The following L3MBTL4 variants were observed in gnomAD, a reference collection of about 807,000 sequenced individuals.
L3MBTL4 encodes L3MBTL histone methyl-lysine binding protein 4.
A neutral mutation model predicts 84.5 loss-of-function variants in L3MBTL4; 70 were observed. The ratio of observed to expected loss-of-function variants is 0.83; its 90% CI spans 0.68 to 1.01. L3MBTL4 has a LOEUF of 1.01. L3MBTL4 is among the 50% of genes least tolerant of loss of function. The probability of loss-of-function intolerance (pLI) is 0.00; values close to 1 mark genes in which losing one functional copy is unlikely to be tolerated. For missense variants in L3MBTL4, 715 were observed against 754.8 expected (o/e 0.95, Z 0.62); for synonymous variants, 274 against 259.8 (o/e 1.05, Z -0.52).
At position 6,069,246 on chromosome 18, in the gene L3MBTL4, T is replaced by C. The variant is rs1195474467; in HGVS notation, c.1444+11635A>G. 2.0e-5 allele frequency among the ~76,000 whole-genome samples: 3 copies of C among 152,180 alleles called. No individual in the cohort carries two copies. In the East Asian group the frequency reaches 5.8e-4, roughly 29 times the overall value. ...TCAGGACCTCTGGTTAGTCAGGGTG[T>C]TGTACGCAGTGGTGATATCTGAGGT... On this transcript the variant is annotated intron_variant, in intron 16 of 18. Transcript: ENST00000317931.
intron 16 of L3MBTL4, among the ~76,000 whole-genome samples, chr18:6,076,661 T>C (rs1426978621): frequency 2.3e-5 from 3 of 129,728 alleles, no homozygotes; most frequent in Non-Finnish European, 4.7e-5. Flanking sequence ...AAATATAATA[T>C]GATTCTGCAC....
At chr18:6,124,772 G>A (rs1362274340) in intron 14 of L3MBTL4, among the ~76,000 whole-genome samples, 3 of 152,012 alleles carry the variant, frequency 2.0e-5, no homozygotes, top group Admixed American at 1.3e-4. Flanking sequence ...AATTGAGGCT[G>A]GAAAGGATGA....
chr18:6,007,372 A>C (rs1181018187), intron 16 of L3MBTL4, among the ~76,000 whole-genome samples: 1 of 152,144 alleles, frequency 6.6e-6, no homozygotes, highest in Non-Finnish European at 1.5e-5. Context: ...ATTAAAAAAA[A>C]ACTCACGATA....
At chr18:6,069,379 T>A (rs748400179) in intron 16 of L3MBTL4, among the ~76,000 whole-genome samples, 7 of 151,902 alleles carry the variant, frequency 4.6e-5, no homozygotes, top group Non-Finnish European at 8.8e-5. Context: ...AGCAACCAGC[T>A]GCAGTAGTAG....
At chr18:6,043,950 A>AC (rs1482480051) in intron 16 of L3MBTL4, among the ~76,000 whole-genome samples, 1 of 152,162 alleles carries the variant, frequency 6.6e-6, no homozygotes, top group Non-Finnish European at 1.5e-5. Context: ...CTTTGACCTC[A>AC]CTACAGTTTG....
intron 14 of L3MBTL4, among the ~76,000 whole-genome samples, chr18:6,115,007 A>T (rs1456317445): frequency 1.3e-5 from 2 of 152,214 alleles, no homozygotes; most frequent in Non-Finnish European, 2.9e-5. Flanking sequence ...ACATTGTATT[A>T]TAATGGTTGG....
intron 13 of L3MBTL4, among the ~76,000 whole-genome samples, chr18:6,150,040 T>C (rs1393900956): frequency 6.6e-6 from 1 of 152,190 alleles, no homozygotes; most frequent in Non-Finnish European, 1.5e-5. Context: ...AGCTTATGAA[T>C]TGGTTTTGAG....
intron 16 of L3MBTL4, among the ~76,000 whole-genome samples, chr18:5,992,760 C>T (rs915641295): frequency 1.3e-5 from 2 of 152,226 alleles, no homozygotes; most frequent in African/African-American, 2.4e-5. Context: ...GACATGTCTG[C>T]TCCCACTTCG....
chr18:6,257,558 A>AT (rs2048195243), intron 5 of L3MBTL4, among the ~76,000 whole-genome samples: 1 of 151,140 alleles, frequency 6.6e-6, no homozygotes, highest in African/African-American at 2.4e-5. Context: ...AAGGGACATT[A>AT]TTTTTTCATA....
chr18:6,035,633 C>T (rs2056094185), intron 16 of L3MBTL4, among the ~76,000 whole-genome samples: 1 of 152,128 alleles, frequency 6.6e-6, no homozygotes, highest in African/African-American at 2.4e-5. Flanking sequence ...GTGATGCAGG[C>T]TCTTTTTTGG....
At position 6,093,534 on chromosome 18, in the gene L3MBTL4, T is replaced by G; in HGVS notation, c.1200-6A>C. 1 of 1,610,026 alleles carries G rather than the reference T, an allele frequency of 6.2e-7. No individual in the cohort carries two copies. The highest frequency in any genetic ancestry group is 8.5e-7 in the Non-Finnish European group (1 of 1,178,862). On this transcript the variant is annotated splice_polypyrimidine_tract_variant and splice_region_variant and intron_variant, in intron 14 of 18. Coordinates refer to ENST00000317931, the MANE Select transcript of L3MBTL4 (RefSeq NM_001330559.2). ...AATACGGGCAGCCAAAAGCACTGGTTTGTATAAAAATGAGAGCACAGTCAT... is the reference window on the plus strand; with the variant it reads ...AATACGGGCAGCCAAAAGCACTGGTGTGTATAAAAATGAGAGCACAGTCAT...
intron 10 of L3MBTL4, among the ~76,000 whole-genome samples, chr18:6,237,041 A>T (rs1046135255): frequency 1.3e-5 from 2 of 152,332 alleles, no homozygotes; most frequent in Non-Finnish European, 2.9e-5. Flanking sequence ...AAATACTAAG[A>T]TTATACAGCC....
intron 14 of L3MBTL4, among the ~76,000 whole-genome samples, chr18:6,132,170 T>C (rs1224060740): frequency 6.6e-6 from 1 of 152,210 alleles, no homozygotes; most frequent in African/African-American, 2.4e-5. Context: ...TAGTGTTTAA[T>C]ATAATAAAAT....
intron 16 of L3MBTL4, among the ~76,000 whole-genome samples, chr18:6,058,423 C>T (rs1003331410): frequency 5.3e-5 from 8 of 151,926 alleles, no homozygotes; most frequent in Non-Finnish European, 4.4e-5. Flanking sequence ...AAAACTTTTT[C>T]GTACAAAACA....
At chr18:5,976,752 C>G (rs1217576994) in intron 16 of L3MBTL4, among the ~76,000 whole-genome samples, 2 of 152,098 alleles carry the variant, frequency 1.3e-5, no homozygotes, top group African/African-American at 4.8e-5. Context: ...GCTGAATGAA[C>G]GCACGCAGGC....
intron 14 of L3MBTL4, among the ~76,000 whole-genome samples, chr18:6,130,624 A>G (rs1024059956): frequency 6.6e-6 from 1 of 152,192 alleles, no homozygotes; most frequent in Non-Finnish European, 1.5e-5. Flanking sequence ...TCAATAAATT[A>G]CCTGTGTATG....
intron 1 of L3MBTL4, among the ~76,000 whole-genome samples, chr18:6,398,838 A>C (rs566240725): frequency 4.5e-4 from 68 of 152,220 alleles, no homozygotes; most frequent in African/African-American, 1.6e-3. Flanking sequence ...CGCCCCAGGC[A>C]CCATGAGCCA....
intron 13 of L3MBTL4, among the ~76,000 whole-genome samples, chr18:6,167,238 T>A (rs1266521778): frequency 6.6e-6 from 1 of 152,224 alleles, no homozygotes; most frequent in Non-Finnish European, 1.5e-5. Flanking sequence ...AGCTGAATTC[T>A]ACCAGAGGTA....
At chr18:6,309,856 C>T (rs1402903578) in intron 3 of L3MBTL4, among the ~76,000 whole-genome samples, 2 of 152,110 alleles carry the variant, frequency 1.3e-5, no homozygotes, top group Non-Finnish European at 2.9e-5. Context: ...AAGGTGGTCT[C>T]AAATGTTAAA....
Sources: gnomAD v4.1 joint callset for allele counts (sites outside exome capture counted in the v4.1 genomes callset) on GRCh38, gnomAD v4.1.1 for gene constraint, MANE v1.5 for transcripts, NCBI Gene and HGNC (gene_info 2026-07-23, HGNC 2026-07-21) for gene names.